The following BICD1 variants were observed in gnomAD, a reference collection of about 807,000 sequenced individuals.
The protein encoded by BICD1 is protein bicaudal D homolog 1.
BICD1 carries 35 observed loss-of-function variants against 92.5 expected under a neutral mutation model. The observed-to-expected ratio is 0.38, with a 90% CI of 0.29 to 0.50. The LOEUF is 0.50. Among genes scored for constraint, BICD1 ranks in the 20% least tolerant of loss-of-function variants. The probability of loss-of-function intolerance (pLI) is 0.93; values close to 1 mark genes in which losing one functional copy is unlikely to be tolerated. For missense variants in BICD1, 950 were observed against 1,189.8 expected, an observed-to-expected ratio of 0.80 and a Z score of 2.97; for synonymous variants, 429 against 465.1, an observed-to-expected ratio of 0.92 and a Z score of 1.00.
chr12:32,168,507 GTGAGAACAGTTGCC>G (rs1009894647), intron 1 of BICD1, among the ~76,000 whole-genome samples: 6 of 152,188 alleles, frequency 3.9e-5, no homozygotes, highest in Non-Finnish European at 8.8e-5. Context: ...TGAGATTGAG[GTGAGAACAGTTGCC>G]TGAGAACAGG....
chr12:32,359,189 A>G (rs1223009858), intron 8 of BICD1, among the ~76,000 whole-genome samples: 1 of 152,192 alleles, frequency 6.6e-6, no homozygotes, highest in Non-Finnish European at 1.5e-5. Context: ...ACTGTTAATC[A>G]TCTGTTCTTA....
At chr12:32,161,304 A>AT (rs765013108) in intron 1 of BICD1, among the ~76,000 whole-genome samples, 1 of 152,234 alleles carries the variant, frequency 6.6e-6, no homozygotes, top group Non-Finnish European at 1.5e-5. Context: ...AGTGAAATCA[A>AT]TATGATTCAA....
chr12:32,166,861 T>C (rs963504677), intron 1 of BICD1, among the ~76,000 whole-genome samples: 1 of 152,202 alleles, frequency 6.6e-6, no homozygotes, highest in East Asian at 1.9e-4. Flanking sequence ...TCTTGCCTTA[T>C]AGGTTTTGGT....
intron 8 of BICD1, chr12:32,352,372 G>A (rs1316416745): frequency 2.0e-5 from 3 of 151,996 alleles, no homozygotes; most frequent in African/African-American, 7.3e-5. Flanking sequence ...TGTAATCCCA[G>A]GTACTCGGGA....
At chr12:32,248,290 A>ACTC in intron 2 of BICD1, among the ~76,000 whole-genome samples, 1 of 152,296 alleles carries the variant, frequency 6.6e-6, no homozygotes, top group South Asian at 2.1e-4. Context: ...GATAGGAACC[A>ACTC]AGGTCTGATG....
Position 32,227,239 on chromosome 12 carries a change from G to A in BICD1, c.426+10780G>A, listed in dbSNP as rs139951019. 5.9e-5 allele frequency among the ~76,000 whole-genome samples: 9 copies of A among 152,320 alleles called. No individual in the cohort carries two copies. The East Asian group carries it at 1.7e-3, about 29-fold the overall frequency. The stretch of plus-strand genomic sequence containing the variant: ...TAGTGTGGAAAGCTGGGGGCCAGGG[G>A]CCTCTCTCTTCCTTCATCACCAGTT... On this transcript the variant is annotated intron_variant, in intron 2 of 9. Coordinates refer to ENST00000652176, the MANE Select transcript of BICD1 (RefSeq NM_001714.4).
intron 1 of BICD1, among the ~76,000 whole-genome samples, chr12:32,140,712 G>GTTTA (rs1942889254): frequency 1.3e-5 from 2 of 152,284 alleles, no homozygotes; most frequent in Non-Finnish European, 2.9e-5. Context: ...TAGACAAAAA[G>GTTTA]CAAAATGTTG....
intron 1 of BICD1, among the ~76,000 whole-genome samples, chr12:32,200,869 C>T (rs2121549200): frequency 6.6e-6 from 1 of 152,220 alleles, no homozygotes; most frequent in African/African-American, 2.4e-5. Context: ...CTTTGTTAAA[C>T]AATAAGAATA....
chr12:32,134,326 T>G (rs898440476), intron 1 of BICD1, among the ~76,000 whole-genome samples: 1 of 152,208 alleles, frequency 6.6e-6, no homozygotes, highest in African/African-American at 2.4e-5. Context: ...GCAAGTGTGC[T>G]AGTCCAAGTA....
intron 4 of BICD1, among the ~76,000 whole-genome samples, chr12:32,311,401 A>G (rs1229048153): frequency 6.6e-6 from 1 of 152,170 alleles, no homozygotes; most frequent in Non-Finnish European, 1.5e-5. Flanking sequence ...TGGGAGGCTG[A>G]GGCAGGAGAA....
intron 1 of BICD1, among the ~76,000 whole-genome samples, chr12:32,117,707 T>TAC (rs1375369579): frequency 7.9e-5 from 5 of 63,532 alleles, no homozygotes; most frequent in African/African-American, 4.3e-4. Flanking sequence ...TACACAAATA[T>TAC]ATATACACAC....
rs148105426 is a variant in BICD1, at chr12:32,214,139, C to T, written c.214-2108C>T. Reference sequence around the variant, plus strand: ...CATTGGAAGCCCCTTCAGACAGGCTCCTGTCTCCTTTTGACATATCCTCAT... The same window carrying T: ...CATTGGAAGCCCCTTCAGACAGGCTTCTGTCTCCTTTTGACATATCCTCAT... On this transcript the variant is annotated intron_variant, in intron 1 of 9. Coordinates refer to ENST00000652176, the MANE Select transcript of BICD1 (RefSeq NM_001714.4). Among the ~76,000 whole-genome samples the T allele has an allele frequency of 3.4e-3, 525 of 152,252 alleles. 6 individuals carry two copies. Among genetic ancestry groups the T allele is most frequent in the African/African-American group, 0.012 (509 of 41,534 alleles).
chr12:32,294,938 C>T (rs1014979585), intron 3 of BICD1, among the ~76,000 whole-genome samples: 6 of 151,742 alleles, frequency 4.0e-5, no homozygotes, highest in African/African-American at 2.4e-5. Flanking sequence ...AAAAATTAGC[C>T]AGGCATGTTG....
intron 2 of BICD1, among the ~76,000 whole-genome samples, chr12:32,219,347 A>T (rs16919495): frequency 6.6e-6 from 1 of 152,102 alleles, no homozygotes; most frequent in African/African-American, 2.4e-5. Flanking sequence ...TCTTCCATAA[A>T]TAGTAGTTAC....
At chr12:32,118,039 C>T (rs538818842) in intron 1 of BICD1, among the ~76,000 whole-genome samples, 150 of 110,466 alleles carry the variant, frequency 1.4e-3, no homozygotes, top group African/African-American at 4.6e-3. Context: ...CGTGAGCCAT[C>T]GCACCGGCCC....
chr12:32,375,900 A>C (rs1939936268), intron 9 of BICD1, among the ~76,000 whole-genome samples: 1 of 152,202 alleles, frequency 6.6e-6, no homozygotes, highest in Non-Finnish European at 1.5e-5. Context: ...TAGCTTTAAA[A>C]AGCTATGCTT....
intron 2 of BICD1, among the ~76,000 whole-genome samples, chr12:32,285,317 A>T (rs1947533071): frequency 6.6e-6 from 1 of 152,164 alleles, no homozygotes; most frequent in Admixed American, 6.5e-5. Flanking sequence ...TTATATCATT[A>T]AATCCTCATA....
chr12:32,373,950 A>G (rs1939833875), intron 9 of BICD1, among the ~76,000 whole-genome samples: 1 of 151,928 alleles, frequency 6.6e-6, no homozygotes. Context: ...ACAGTGGCTC[A>G]TGCCTGTAAT....
chr12:32,363,932 G>A (rs1939427440), intron 8 of BICD1, among the ~76,000 whole-genome samples: 1 of 152,130 alleles, frequency 6.6e-6, no homozygotes, highest in African/African-American at 2.4e-5. Flanking sequence ...AGAAGAGCAT[G>A]TATATTAAGT....
Sources: gnomAD v4.1 joint callset for allele counts (sites outside exome capture counted in the v4.1 genomes callset) on GRCh38, gnomAD v4.1.1 for gene constraint, MANE v1.5 for transcripts, NCBI Gene and HGNC (gene_info 2026-07-23, HGNC 2026-07-21) for gene names.